RORA: variants seen among roughly 807,000 people sequenced by gnomAD.
RORA encodes the protein nuclear receptor ROR-alpha.
RORA carries 7 observed loss-of-function variants against 69.5 expected under a neutral mutation model. The observed-to-expected ratio is 0.10, with a 90% CI of 0.06 to 0.19. The LOEUF (loss-of-function observed/expected upper bound fraction) is 0.19, where lower values mean the gene tolerates loss of function less well. RORA is among the 10% of genes least tolerant of loss of function. The pLI is 1.00. For missense variants in RORA, 457 were observed against 663.0 expected (o/e 0.69, Z 3.41); for synonymous variants, 261 against 240.8 (o/e 1.08, Z -0.78).
intron 1 of RORA, among the ~76,000 whole-genome samples, chr15:61,032,577 T>C (rs533394785): frequency 2.6e-5 from 4 of 152,210 alleles, no homozygotes; most frequent in Non-Finnish European, 2.9e-5. Context: ...CACACCCAGG[T>C]TGGACCAAGG....
chr15:60,704,741 A>G (rs2071036277), intron 1 of RORA, among the ~76,000 whole-genome samples: 1 of 152,226 alleles, frequency 6.6e-6, no homozygotes, highest in South Asian at 2.1e-4. Context: ...ATACTATATT[A>G]GAGACCCTCA....
At chr15:61,217,321 C>T (rs1014255866) in intron 1 of RORA, among the ~76,000 whole-genome samples, 1 of 152,148 alleles carries the variant, frequency 6.6e-6, no homozygotes, top group African/African-American at 2.4e-5. Flanking sequence ...TACATGTTCA[C>T]TAAATGAGCA....
At chr15:60,865,794 A>T (rs144206492) in intron 1 of RORA, among the ~76,000 whole-genome samples, 80 of 152,042 alleles carry the variant, frequency 5.3e-4, no homozygotes, top group Non-Finnish European at 1.0e-3. Context: ...TACTCTCTAC[A>T]CTCATACCAT....
At chr15:60,940,691 T>C (rs1892668275) in intron 1 of RORA, among the ~76,000 whole-genome samples, 1 of 152,036 alleles carries the variant, frequency 6.6e-6, no homozygotes. Flanking sequence ...AGTTTGGGAG[T>C]CCGAGGCAGG....
intron 1 of RORA, among the ~76,000 whole-genome samples, chr15:60,775,259 T>C (rs1349588348): frequency 6.6e-6 from 1 of 152,108 alleles, no homozygotes; most frequent in Non-Finnish European, 1.5e-5. Flanking sequence ...GCCCTGATGG[T>C]GGTATTACTA....
At chr15:60,558,888 T>C (rs2067450402) in intron 2 of RORA, among the ~76,000 whole-genome samples, 2 of 152,306 alleles carry the variant, frequency 1.3e-5, no homozygotes, top group South Asian at 2.1e-4. Flanking sequence ...CTAAAACGGT[T>C]CCCTTTACTT....
intron 2 of RORA, among the ~76,000 whole-genome samples, chr15:60,620,692 C>G (rs957920822): frequency 1.3e-5 from 2 of 152,212 alleles, no homozygotes; most frequent in African/African-American, 2.4e-5. Context: ...GCTCCACACT[C>G]CAGTTCAAAG....
At chr15:61,036,484 C>T (rs191213390) in intron 1 of RORA, among the ~76,000 whole-genome samples, 104 of 152,178 alleles carry the variant, frequency 6.8e-4, no homozygotes, top group African/African-American at 2.3e-3. Context: ...TTGGGGTGGG[C>T]GTCCCGTGCA....
At chr15:60,733,724 G>A (rs899270403) in intron 1 of RORA, among the ~76,000 whole-genome samples, 5 of 152,148 alleles carry the variant, frequency 3.3e-5, no homozygotes, top group Non-Finnish European at 5.9e-5. Flanking sequence ...TCCATCAGAA[G>A]GAGGTATGAT....
chr15:60,519,712 G>C (rs2066094558), intron 3 of RORA, among the ~76,000 whole-genome samples: 1 of 152,098 alleles, frequency 6.6e-6, no homozygotes, highest in Non-Finnish European at 1.5e-5. Context: ...TCCTGATCTG[G>C]ATTAGGAGTC....
chr15:60,954,805 G>A (rs1893219712), intron 1 of RORA, among the ~76,000 whole-genome samples: 2 of 152,188 alleles, frequency 1.3e-5, no homozygotes. Flanking sequence ...CCAAGCACTT[G>A]AAGGGCCTCA....
At chr15:61,135,988 G>A (rs1181324418) in intron 1 of RORA, among the ~76,000 whole-genome samples, 1 of 152,168 alleles carries the variant, frequency 6.6e-6, no homozygotes, top group Non-Finnish European at 1.5e-5. Flanking sequence ...CTCATCAAAC[G>A]TTCAAGATAA....
chr15:60,945,504 C>T (rs1465459469), intron 1 of RORA, among the ~76,000 whole-genome samples: 1 of 152,234 alleles, frequency 6.6e-6, no homozygotes, highest in Admixed American at 6.5e-5. Context: ...CAGGCTACAA[C>T]TACCGAGAAC....
chr15:60,504,964 A>C (rs1254735544), intron 6 of RORA, among the ~76,000 whole-genome samples: 3 of 152,214 alleles, frequency 2.0e-5, no homozygotes, highest in African/African-American at 7.2e-5. Context: ...TGTAAAATGG[A>C]TTCACTTAGA....
chr15:60,870,665 G>T (rs572375409), intron 1 of RORA, among the ~76,000 whole-genome samples: 3 of 152,206 alleles, frequency 2.0e-5, no homozygotes, highest in South Asian at 2.1e-4. Flanking sequence ...CCTACTTGGC[G>T]TCACAAAAGC....
intron 2 of RORA, among the ~76,000 whole-genome samples, chr15:60,550,512 A>T (rs574181900): frequency 1.3e-5 from 2 of 151,178 alleles, no homozygotes; most frequent in South Asian, 4.2e-4. Flanking sequence ...GAGCATATTT[A>T]AAAAATATCA....
intron 2 of RORA, among the ~76,000 whole-genome samples, chr15:60,579,010 G>A (rs999293231): frequency 1.3e-5 from 2 of 150,290 alleles, no homozygotes; most frequent in African/African-American, 2.5e-5. Flanking sequence ...TGATCGATCC[G>A]CCTGCCTCGG....
intron 1 of RORA, among the ~76,000 whole-genome samples, chr15:61,058,717 T>C (rs2078129768): frequency 6.6e-6 from 1 of 152,186 alleles, no homozygotes; most frequent in African/African-American, 2.4e-5. Context: ...CCTAGCACTT[T>C]GTATCTTAAC....
intron 2 of RORA, chr15:60,558,071 G>T: frequency 2.2e-6 from 1 of 449,404 alleles, no homozygotes; most frequent in African/African-American, 2.0e-5. Context: ...ACGAAAGAGA[G>T]AATTAAATAT....
Sources: gnomAD v4.1 joint callset for allele counts (sites outside exome capture counted in the v4.1 genomes callset) on GRCh38, gnomAD v4.1.1 for gene constraint, MANE v1.5 for transcripts, NCBI Gene and HGNC (gene_info 2026-07-23, HGNC 2026-07-21) for gene names.